Variants in SETX observed in about 807,000 individuals in gnomAD.
SETX encodes the protein helicase senataxin.
A neutral mutation model predicts 227.2 loss-of-function variants in SETX; 90 were observed. The observed-to-expected ratio is 0.40, with a 90% CI of 0.33 to 0.47. SETX has a LOEUF of 0.47. Among genes scored for constraint, SETX ranks in the 20% least tolerant of loss-of-function variants. SETX has a pLI of 0.91. For missense variants in SETX, 3,052 were observed against 3,181.5 expected, an observed-to-expected ratio of 0.96 and a Z score of 0.98; for synonymous variants, 1,210 against 1,113.2, an observed-to-expected ratio of 1.09 and a Z score of -1.73.
chr9:132,306,836 AC>A (rs1403549994), intron 11 of SETX, among the ~76,000 whole-genome samples: 1 of 151,994 alleles, frequency 6.6e-6, no homozygotes, highest in East Asian at 1.9e-4. Context: ...GCCTCAGCCT[AC>A]CACGTAGCAG....
chr9:132,303,109 T>C (rs572899541), intron 11 of SETX, among the ~76,000 whole-genome samples: 1 of 152,188 alleles, frequency 6.6e-6, no homozygotes, highest in East Asian at 1.9e-4. Flanking sequence ...CCTTGAACAC[T>C]TGGGCTCAAG....
Position 132,328,849 on chromosome 9 carries a change from T to C in SETX, c.2749A>G (p.Met917Val), listed in dbSNP as rs761943404. The change falls in exon 10 of 26, where the codon ATG (methionine) becomes GTG (valine). Residue 917 changes from methionine (M) to valine (V), a missense_variant. Coordinates refer to ENST00000224140, the MANE Select transcript of SETX (RefSeq NM_015046.7). ...TCATCTCTTGATTCAGGTACAGTCA[T>C]AAGATCTTTAAAGGGAGATGATTTC... ...EKKSSPFKDL[M>V]TVPESRDEEM... 1.9e-6 allele frequency: 3 copies of C among 1,613,848 alleles called. No homozygotes were observed. Among genetic ancestry groups the C allele is most frequent in the Non-Finnish European group, 2.5e-6 (3 of 1,179,956 alleles).
chr9:132,330,952 G>A, intron 9 of SETX, 100 bp downstream of exon 9: 1 of 916,202 alleles, frequency 1.1e-6, no homozygotes, highest in Non-Finnish European at 1.8e-6. Context: ...ATTGAGAACA[G>A]CTACATATCA....
chr9:132,278,431 A>G (rs974835685), intron 20 of SETX, among the ~76,000 whole-genome samples, 174 bp from the exon 21 acceptor site: 2 of 140,316 alleles, frequency 1.4e-5, no homozygotes, highest in African/African-American at 2.5e-5. Flanking sequence ...TCAAAATGCC[A>G]TGAATCTTTT....
In SETX at chr9:132,331,345, T is replaced by C. The variant is rs1847222330; in HGVS notation, c.942A>G (p.Ala314=). 1.9e-6 allele frequency: 3 copies of C among 1,614,056 alleles called. No homozygotes were observed. The highest frequency in any genetic ancestry group is 2.5e-6 in the Non-Finnish European group (3 of 1,180,004). Residue 314 remains alanine (A), a synonymous_variant, in exon 8 of 26, where the codon GCA becomes GCG. Transcript: ENST00000224140. ...VWGQLMDPIV[A]FQTIINNASY... ...TTGCGTTGTTGATAATGGTTTGAAA[T>C]GCCACAATAGGATCCATAAGTTGAC...
At position 132,264,454 on chromosome 9, in the gene SETX, C is replaced by T. The variant is rs200969620; in HGVS notation, c.7819G>A (p.Glu2607Lys). ...LSSHKPPVRG[E>K]PPAASPEAST... ...GCCTCGGGACTGGCAGCTGGAGGTT[C>T]GCCCCGCACGGGAGGTTTGTGGCTG... is the stretch of plus-strand genomic sequence containing the variant. The change falls in exon 26 of 26, where the codon GAA (glutamate) becomes AAA (lysine). Residue 2607 changes from glutamate (E) to lysine (K), a missense_variant. This residue lies in a region of SETX where 294 missense variants were observed against 278.8 expected (regional missense o/e 1.05). Coordinates refer to ENST00000224140, the MANE Select transcript of SETX (RefSeq NM_015046.7). 10 of 1,613,892 alleles carry T rather than the reference C, an allele frequency of 6.2e-6. No individual in the cohort carries two copies. Among genetic ancestry groups the T allele is most frequent in the East Asian group, 4.5e-5 (2 of 44,874 alleles).
At chr9:132,340,844 G>A (rs367829334) in intron 5 of SETX, among the ~76,000 whole-genome samples, 2 of 152,160 alleles carry the variant, frequency 1.3e-5, no homozygotes, top group East Asian at 3.8e-4. Context: ...CAATGATGAG[G>A]GAGAACTGGA....
intron 11 of SETX, among the ~76,000 whole-genome samples, chr9:132,307,288 T>A (rs1386542994): frequency 1.3e-5 from 2 of 151,988 alleles, no homozygotes; most frequent in African/African-American, 4.8e-5. Flanking sequence ...ACAATAATAA[T>A]GTTTTCTGCC....
chr9:132,277,150 T>G lies in SETX; in HGVS notation c.6845A>C (p.Gln2282Pro). 1 of 1,606,952 alleles carries G rather than the reference T, an allele frequency of 6.2e-7. No individual in the cohort carries two copies. The highest frequency in any genetic ancestry group is 8.5e-7 in the Non-Finnish European group (1 of 1,178,750). The change falls in exon 22 of 26, where the codon CAG (glutamine) becomes CCG (proline). Residue 2282 changes from glutamine to proline, a missense_variant and splice_region_variant. Coordinates refer to ENST00000224140, the MANE Select transcript of SETX (RefSeq NM_015046.7). Reference protein sequence around the residue: ...VYNRNLKTNRQTEAIRCSSDW... With the variant: ...VYNRNLKTNRPTEAIRCSSDW... ...TGATGAACATCGAATGGCTTCTGTC[T>G]GTCTGTAAAAAAAAAAAAGCAGTCA...
At chr9:132,299,615 C>A (rs1360146432) in intron 12 of SETX, among the ~76,000 whole-genome samples, 2 of 152,184 alleles carry the variant, frequency 1.3e-5, no homozygotes, top group Non-Finnish European at 2.9e-5. Flanking sequence ...CTTCTCTTCA[C>A]ATAACTAAGA....
At chr9:132,355,184 C>T (rs1003563544), upstream of SETX, among the ~76,000 whole-genome samples, 1 of 152,098 alleles carries the variant, frequency 6.6e-6, no homozygotes, top group Non-Finnish European at 1.5e-5. Context: ...CAGCTGGGGC[C>T]CGACCAATCC....
At chr9:132,307,392 G>T (rs904471468) in intron 11 of SETX, among the ~76,000 whole-genome samples, 5 of 150,468 alleles carry the variant, frequency 3.3e-5, no homozygotes, top group Non-Finnish European at 5.9e-5. Flanking sequence ...CAATCTTTAT[G>T]TATCCTTATA....
At chr9:132,292,404 G>C (rs1844378125) in intron 15 of SETX, among the ~76,000 whole-genome samples, 1 of 127,082 alleles carries the variant, frequency 7.9e-6, no homozygotes, top group African/African-American at 2.9e-5. Context: ...ACCCCAGCCT[G>C]AGCTGGGGTA....
chr9:132,267,678 C>T (rs1371782134), intron 25 of SETX, among the ~76,000 whole-genome samples: 1 of 152,230 alleles, frequency 6.6e-6, no homozygotes, highest in Non-Finnish European at 1.5e-5. Context: ...AAGACAATGT[C>T]GGTGCCATTA....
intron 4 of SETX, among the ~76,000 whole-genome samples, chr9:132,345,836 GA>G (rs1232581066): frequency 1.3e-5 from 2 of 152,054 alleles, no homozygotes; most frequent in Admixed American, 6.5e-5. Flanking sequence ...GGGCAACAGT[GA>G]AACTTCATCT....
rs547294656 is a variant in SETX at position 132,353,490 on chromosome 9, G to A, written c.-8+159C>T. On this transcript the variant is annotated intron_variant, in intron 2 of 25. Transcript: ENST00000224140. Reference sequence around the variant, plus strand: ...AACAACCAGTGTGCAAGCTCTTCCTGAGTGTCATCACGTCTGGGGGGGGGG... The same window carrying A: ...AACAACCAGTGTGCAAGCTCTTCCTAAGTGTCATCACGTCTGGGGGGGGGG... Among the ~76,000 whole-genome samples, 97 of 151,904 alleles carry A rather than the reference G, an allele frequency of 6.4e-4. 1 individual carries two copies. Among genetic ancestry groups the A allele is most frequent in the Non-Finnish European group, 1.1e-3 (73 of 68,006 alleles).
chr9:132,275,096 C>G, intron 23 of SETX, 160 bp downstream of exon 23: 1 of 722,326 alleles, frequency 1.4e-6, no homozygotes, highest in Non-Finnish European at 2.4e-6. Flanking sequence ...AGGAGCCACA[C>G]AGCACAAGTC....
chr9:132,306,212 C>T (rs573451843), intron 11 of SETX, among the ~76,000 whole-genome samples: 2 of 152,134 alleles, frequency 1.3e-5, no homozygotes, highest in South Asian at 4.1e-4. Context: ...GCCAGTTCTA[C>T]TACTGACAAC....
chr9:132,301,355 G>C lies in SETX; in HGVS notation c.5375-552C>G, dbSNP rs1360139706. On this transcript the variant is annotated intron_variant, in intron 11 of 25. Transcript: ENST00000224140. ...GCCCGCCTCAGCCTCCCAAAGTGCT[G>C]GGATTACAGGGGTGAGCCACTGTGC... Among the ~76,000 whole-genome samples the C allele has an allele frequency of 2.0e-5, 3 of 151,966 alleles. No homozygotes were observed. In the East Asian group the frequency reaches 5.8e-4, roughly 29 times the overall value.
Sources: gnomAD v4.1 joint callset for allele counts (sites outside exome capture counted in the v4.1 genomes callset) on GRCh38, gnomAD v4.1.1 for gene constraint, gnomAD v4.1.1 regional missense constraint, MANE v1.5 for transcripts, NCBI Gene and HGNC (gene_info 2026-07-23, HGNC 2026-07-21) for gene names.